FAM193A: variants seen among roughly 807,000 people sequenced by gnomAD.
The protein encoded by FAM193A is family with sequence similarity 193 member A.
Under a neutral mutation model 126.5 loss-of-function variants are expected in FAM193A, and 22 were observed. The observed-to-expected ratio is 0.17, with a 90% CI of 0.12 to 0.25. The LOEUF is 0.25. FAM193A is among the 10% of genes least tolerant of loss of function. The pLI, the probability that FAM193A is intolerant of heterozygous loss-of-function variation, is 1.00. For synonymous variants in FAM193A, 761 were observed against 646.8 expected, an observed-to-expected ratio of 1.18 and a Z score of -2.68; for missense variants, 1,675 against 1,672.8, an observed-to-expected ratio of 1.00 and a Z score of -0.02.
chr4:2,612,210 A>G lies in FAM193A; in HGVS notation c.502-13052A>G, dbSNP rs147123936. On this transcript the variant is annotated intron_variant, in intron 2 of 20. Coordinates refer to ENST00000637812, the MANE Select transcript of FAM193A (RefSeq NM_001366318.2). ...ATCTTTGCTACTCAAGGTTATAAAG[A>G]TTTTTTGCCCTGGCCGGGCCGTGGC... Among the ~76,000 whole-genome samples the G allele has an allele frequency of 1.2e-3, 186 of 150,134 alleles. 1 individual carries two copies. Among genetic ancestry groups the G allele is most frequent in the African/African-American group, 4.5e-3 (182 of 40,800 alleles).
At chr4:2,711,072 T>C (rs1324755141) in intron 19 of FAM193A, among the ~76,000 whole-genome samples, 1 of 151,166 alleles carries the variant, frequency 6.6e-6, no homozygotes, top group East Asian at 2.0e-4. Flanking sequence ...CAGGATGGTC[T>C]CGATCTCCTG....
intron 1 of FAM193A, among the ~76,000 whole-genome samples, chr4:2,560,102 C>T (rs1010176719): frequency 3.9e-5 from 6 of 152,050 alleles, no homozygotes; most frequent in African/African-American, 1.4e-4. Context: ...CCACCACACC[C>T]AGCTAATCTT....
chr4:2,581,383 A>G (rs1315237815), intron 1 of FAM193A, among the ~76,000 whole-genome samples: 1 of 150,660 alleles, frequency 6.6e-6, no homozygotes, highest in Non-Finnish European at 1.5e-5. Context: ...CCTCCCGAGT[A>G]GCTGGGATTA....
chr4:2,616,705 A>G (rs1397104953), intron 2 of FAM193A, among the ~76,000 whole-genome samples: 1 of 151,804 alleles, frequency 6.6e-6, no homozygotes, highest in African/African-American at 2.4e-5. Context: ...GACCACAGGC[A>G]CCCACCACCA....
At chr4:2,609,048 G>A (rs1384785943) in intron 2 of FAM193A, among the ~76,000 whole-genome samples, 1 of 151,612 alleles carries the variant, frequency 6.6e-6, no homozygotes, top group Non-Finnish European at 1.5e-5. Flanking sequence ...CCACCACCAC[G>A]GCTGGCTAAT....
intron 19 of FAM193A, among the ~76,000 whole-genome samples, chr4:2,701,537 G>A (rs1717730818): frequency 1.3e-5 from 2 of 152,088 alleles, no homozygotes; most frequent in African/African-American, 4.8e-5. Flanking sequence ...GTCCCTGTTG[G>A]TATATCCCAC....
At chr4:2,572,797 T>A (rs1412974667) in intron 1 of FAM193A, among the ~76,000 whole-genome samples, 2 of 147,480 alleles carry the variant, frequency 1.4e-5, no homozygotes, top group East Asian at 2.0e-4. Context: ...TTTTTTTTTT[T>A]AAAGACCTGG....
intron 1 of FAM193A, among the ~76,000 whole-genome samples, chr4:2,587,648 C>G (rs868115007): frequency 2.0e-5 from 3 of 152,144 alleles, no homozygotes; most frequent in Middle Eastern, 6.8e-3. Flanking sequence ...GAGCCAAGAT[C>G]GTGCTACTGC....
chr4:2,573,345 C>G (rs974282014), intron 1 of FAM193A, among the ~76,000 whole-genome samples: 6 of 151,960 alleles, frequency 3.9e-5, no homozygotes, highest in Non-Finnish European at 7.4e-5. Context: ...AAACCCGTCT[C>G]TACTAAAAAT....
intron 2 of FAM193A, among the ~76,000 whole-genome samples, chr4:2,613,697 G>A (rs760655966): frequency 2.1e-4 from 31 of 150,918 alleles, no homozygotes; most frequent in South Asian, 4.2e-4. Context: ...CGGGTGATCC[G>A]CATGCCTTGG....
chr4:2,626,688 G>A (rs1057101956), intron 4 of FAM193A, 111 bp downstream of exon 4: 12 of 602,304 alleles, frequency 2.0e-5, no homozygotes, highest in Middle Eastern at 4.3e-4. Flanking sequence ...AGCTGGGTTT[G>A]CTTAGCCTTT....
chr4:2,564,100 T>C (rs1193251059), intron 1 of FAM193A, among the ~76,000 whole-genome samples: 1 of 152,116 alleles, frequency 6.6e-6, no homozygotes, highest in African/African-American at 2.4e-5. Context: ...TATTTGTTTA[T>C]TTTTTGAGAC....
intron 5 of FAM193A, among the ~76,000 whole-genome samples, chr4:2,635,871 C>T (rs934057498): frequency 1.3e-5 from 2 of 152,174 alleles, no homozygotes; most frequent in African/African-American, 2.4e-5. Flanking sequence ...GTCACTCACA[C>T]CTCTCCAGAT....
At chr4:2,566,496 C>G (rs1157591760) in intron 1 of FAM193A, among the ~76,000 whole-genome samples, 1 of 152,076 alleles carries the variant, frequency 6.6e-6, no homozygotes, top group Non-Finnish European at 1.5e-5. Context: ...TTGAGACCAG[C>G]CTGGCCAACA....
In FAM193A at chr4:2,659,792, T is replaced by C; in HGVS notation, c.1503-20T>C. The stretch of plus-strand genomic sequence containing the variant: ...CTTGTGCATTGGTTGGCTTGGTAAC[T>C]GTCCTTAATTCCTGATCAGATGTGC... On this transcript the variant is annotated intron_variant, in intron 9 of 20. Coordinates refer to ENST00000637812, the MANE Select transcript of FAM193A (RefSeq NM_001366318.2). 3 of 1,614,172 alleles carry C rather than the reference T, an allele frequency of 1.9e-6. No homozygotes were observed. The highest frequency in any genetic ancestry group is 2.2e-5 in the South Asian group (2 of 91,082).
chr4:2,611,923 G>A (rs1323369635), intron 2 of FAM193A, among the ~76,000 whole-genome samples: 3 of 148,230 alleles, frequency 2.0e-5, no homozygotes, highest in African/African-American at 7.5e-5. Context: ...TGCAAGCTCC[G>A]CCTCCCGGGT....
intron 1 of FAM193A, among the ~76,000 whole-genome samples, chr4:2,567,555 CACA>C (rs1258961690): frequency 2.0e-5 from 3 of 152,100 alleles, no homozygotes; most frequent in East Asian, 1.9e-4. Flanking sequence ...TTTTTGGTGA[CACA>C]ACAAGTTTTG....
chr4:2,569,065 G>A (rs1739138992), intron 1 of FAM193A, among the ~76,000 whole-genome samples: 1 of 150,708 alleles, frequency 6.6e-6, no homozygotes, highest in African/African-American at 2.5e-5. Flanking sequence ...TGCCTCCTGG[G>A]TTCAAGCGAT....
At chr4:2,628,592 G>A (rs139424759) in intron 4 of FAM193A, among the ~76,000 whole-genome samples, 3 of 152,190 alleles carry the variant, frequency 2.0e-5, no homozygotes, top group Admixed American at 6.5e-5. Flanking sequence ...AGCTAGGATC[G>A]CTCCACTGCA....
Sources: allele counts gnomAD v4.1 joint callset (sites outside exome capture counted in the v4.1 genomes callset), GRCh38; gene constraint gnomAD v4.1.1; transcripts MANE v1.5; gene names NCBI Gene and HGNC (gene_info 2026-07-23, HGNC 2026-07-21).